The following IGHMBP2 variants were observed in gnomAD, a reference collection of about 807,000 sequenced individuals.
IGHMBP2 encodes the protein immunoglobulin mu DNA binding protein 2.
A neutral mutation model predicts 96.0 loss-of-function variants in IGHMBP2; 81 were observed. The observed-to-expected ratio is 0.84, with a 90% CI of 0.71 to 1.01. The LOEUF is 1.01. Among genes scored for constraint, IGHMBP2 ranks in the 50% least tolerant of loss-of-function variants. IGHMBP2 has a pLI of 0.00. For synonymous variants in IGHMBP2, 557 were observed against 548.9 expected (o/e 1.01, Z -0.21); for missense variants, 1,227 against 1,306.3 (o/e 0.94, Z 0.94).
At chr11:68,914,093 G>A (rs1202966497) in intron 5 of IGHMBP2, among the ~76,000 whole-genome samples, 1 of 152,184 alleles carries the variant, frequency 6.6e-6, no homozygotes, top group African/African-American at 2.4e-5. Flanking sequence ...GTGGTCTGGT[G>A]ATTTTCAGAT....
At chr11:68,905,059 G>A (rs1480368190) in intron 1 of IGHMBP2, among the ~76,000 whole-genome samples, 1 of 152,194 alleles carries the variant, frequency 6.6e-6, no homozygotes, top group African/African-American at 2.4e-5. Context: ...GCCTCCCAAA[G>A]TGTTGGGATT....
At position 68,903,974 on chromosome 11, in the gene IGHMBP2, A is replaced by C. The variant is rs1220579518; in HGVS notation, c.22A>C (p.Ser8Arg). 2.6e-6 allele frequency: 4 copies of C among 1,556,420 alleles called. 1 individual carries two copies. In the Admixed American group the frequency reaches 7.8e-5, roughly 30 times the overall value. MASAAVESFVTKQLDLLE... is the reference protein window; with the variant it reads MASAAVERFVTKQLDLLE... ...GGCGATGGCCTCGGCAGCTGTGGAGAGCTTCGTGACCAAGCAACTGGACCT... is the reference window on the plus strand; with the variant it reads ...GGCGATGGCCTCGGCAGCTGTGGAGCGCTTCGTGACCAAGCAACTGGACCT... The change falls in exon 1 of 15, where the codon AGC becomes CGC. Residue 8 changes from serine (S) to arginine (R), a missense_variant. Ser to Arg is a moderately radical substitution (Grantham distance 110). This residue lies in a region of IGHMBP2 where 507 missense variants were observed against 496.9 expected (regional missense o/e 1.02). Transcript: ENST00000255078.
rs909093295 is a variant in IGHMBP2, at chr11:68,936,787, C to T, written c.2307C>T (p.His769=). The T allele has an allele frequency of 1.4e-5, 22 of 1,613,908 alleles. No individual in the cohort carries two copies. In the East Asian group the frequency reaches 3.3e-4, roughly 25 times the overall value. The change falls in exon 13 of 15, where the codon CAC becomes CAT. Residue 769 remains histidine (H), a synonymous_variant. Coordinates refer to ENST00000255078, the MANE Select transcript of IGHMBP2 (RefSeq NM_002180.3). ...TAGCCGAGGAGCACGGGCTGAGGCA[C>T]GACAGTTCCGGGGAAGGGAAGAGGA... is the stretch of plus-strand genomic sequence containing the variant. The part of the protein sequence containing the change: ...HQIAEEHGLR[H]DSSGEGKRRF...
intron 6 of IGHMBP2, among the ~76,000 whole-genome samples, chr11:68,917,510 G>T (rs1365389287): frequency 6.6e-6 from 1 of 152,152 alleles, no homozygotes; most frequent in Non-Finnish European, 1.5e-5. Context: ...TAAAAACGTG[G>T]TCTCTTTCCA....
chr11:68,906,053 A>G lies in IGHMBP2; in HGVS notation c.87-16A>G, dbSNP rs1032941736. The G allele has an allele frequency of 6.2e-7, 1 of 1,613,424 alleles. No individual in the cohort carries two copies. The highest frequency in any genetic ancestry group is 1.1e-5 in the South Asian group (1 of 91,048). The stretch of plus-strand genomic sequence containing the variant: ...CTAGTAAAAATCCTGAAGCATCAAT[A>G]CCGGGTGTCTTCCAGGTCCTGGCAG... On this transcript the variant is annotated splice_polypyrimidine_tract_variant and intron_variant, in intron 1 of 14. Coordinates refer to ENST00000255078, the MANE Select transcript of IGHMBP2 (RefSeq NM_002180.3).
chr11:68,909,188 AG>A (rs1275576684), intron 4 of IGHMBP2, among the ~76,000 whole-genome samples: 54 of 53,500 alleles, frequency 1.0e-3, no homozygotes, highest in Middle Eastern at 0.02. Context: ...GGGGGGGTGG[AG>A]GGGGGGGGCG....
chr11:68,934,207 C>G lies in IGHMBP2; in HGVS notation c.1538-257C>G, dbSNP rs630866. On this transcript the variant is annotated intron_variant, in intron 10 of 14. Coordinates refer to ENST00000255078, the MANE Select transcript of IGHMBP2 (RefSeq NM_002180.3). ...AACTGTCATTGCTCAGCTGACACCA[C>G]CATCTCCCCAGTTCCACGTTGAACA... is the stretch of plus-strand genomic sequence containing the variant. 5.0e-3 allele frequency: 3,105 copies of G among 617,082 alleles called. 75 individuals are homozygous for G. The African/African-American group carries it at 0.051, about 10-fold the overall frequency. 38.2% of individuals were successfully genotyped at this position (617,082 alleles called of 1,614,324 possible). A position where few individuals can be genotyped will look rare whatever the true frequency, so the allele number is the denominator to read the frequency against.
intron 13 of IGHMBP2, 65 bp from the exon 14 acceptor site, chr11:68,938,117 A>C: frequency 6.4e-7 from 1 of 1,574,688 alleles, no homozygotes; most frequent in Non-Finnish European, 8.7e-7. Flanking sequence ...AATTGATTTT[A>C]AAACCTTAAA....
intron 7 of IGHMBP2, among the ~76,000 whole-genome samples, chr11:68,919,440 T>G (rs1313210122): frequency 6.6e-6 from 1 of 152,208 alleles, no homozygotes; most frequent in Non-Finnish European, 1.5e-5. Context: ...TGGCTTACTT[T>G]CTGTTATTGG....
In IGHMBP2 at chr11:68,906,312, C is replaced by T. The variant is rs141376088; in HGVS notation, c.256+74C>T. On this transcript the variant is annotated intron_variant, in intron 2 of 14. Transcript: ENST00000255078. ...ACCGTGACTTGTACCCTCGTAAAGA[C>T]TGGATTAAAATGACCAGTTGGAGAA... 1,284 of 1,497,116 alleles carry T rather than the reference C, an allele frequency of 8.6e-4. 2 individuals are homozygous for T. Among genetic ancestry groups the T allele is most frequent in the Non-Finnish European group, 1.1e-3 (1,133 of 1,074,974 alleles). The allele number at this position is 1,497,116 out of a possible 1,614,324, so 92.7% of individuals were successfully genotyped here.
intron 8 of IGHMBP2, chr11:68,933,065 T>C (rs1180496562): frequency 1.7e-5 from 10 of 582,054 alleles, no homozygotes; most frequent in Non-Finnish European, 3.1e-5. Context: ...TAACTTCATC[T>C]CAGCTGCAGC....
At chr11:68,922,175 G>A (rs1262639825) in intron 7 of IGHMBP2, among the ~76,000 whole-genome samples, 2 of 151,928 alleles carry the variant, frequency 1.3e-5, no homozygotes, top group African/African-American at 2.4e-5. Context: ...AAAATTAGCA[G>A]GGTGTGGTGG....
At chr11:68,907,019 G>A (rs1858229283) in intron 2 of IGHMBP2, among the ~76,000 whole-genome samples, 1 of 151,978 alleles carries the variant, frequency 6.6e-6, no homozygotes, top group African/African-American at 2.4e-5. Context: ...TAGCACTTTG[G>A]GAGGCCGAGG....
chr11:68,935,983 C>T (rs967512966), intron 12 of IGHMBP2, among the ~76,000 whole-genome samples: 9 of 152,220 alleles, frequency 5.9e-5, no homozygotes, highest in Admixed American at 5.2e-4. Flanking sequence ...CAGGCGGCCC[C>T]TGAGGCTGGG....
intron 7 of IGHMBP2, among the ~76,000 whole-genome samples, chr11:68,926,910 C>T (rs745392189): frequency 2.0e-4 from 31 of 152,120 alleles, no homozygotes; most frequent in Non-Finnish European, 4.0e-4. Context: ...GGATTACAGG[C>T]GTCCACCACC....
intron 1 of IGHMBP2, among the ~76,000 whole-genome samples, 189 bp from the exon 2 acceptor site, chr11:68,905,880 G>C (rs939362348): frequency 3.3e-5 from 5 of 152,202 alleles, no homozygotes; most frequent in African/African-American, 1.2e-4. Flanking sequence ...AAGGGTTGTG[G>C]CATTAACTGC....
Position 68,908,609 on chromosome 11 carries a change from T to C in IGHMBP2, c.525T>C (p.Ala175=). The C allele has an allele frequency of 6.2e-7, 1 of 1,612,414 alleles. No individual in the cohort carries two copies. Among genetic ancestry groups the C allele is most frequent in the Non-Finnish European group, 8.5e-7 (1 of 1,178,432 alleles). Residue 175 remains alanine, a synonymous_variant, in exon 4 of 15, where the codon GCT becomes GCC. Transcript: ENST00000255078. ...TAGAAGTGCTCTTTGGCAGATCTGC[T>C]CCCAGTCCTGCCAGTGAAATACGTA... ...SLIEVLFGRS[A]PSPASEIHPL...
At chr11:68,920,773 T>G (rs1033718323) in intron 7 of IGHMBP2, among the ~76,000 whole-genome samples, 1 of 152,116 alleles carries the variant, frequency 6.6e-6, no homozygotes, top group Non-Finnish European at 1.5e-5. Context: ...TGTAAGCCAC[T>G]GTGCCTGGCC....
At chr11:68,914,167 T>G (rs566932155) in intron 5 of IGHMBP2, among the ~76,000 whole-genome samples, 1 of 152,228 alleles carries the variant, frequency 6.6e-6, no homozygotes, top group South Asian at 2.1e-4. Flanking sequence ...ATAAATAAGT[T>G]TGAAGCTTTA....
Sources: gnomAD v4.1 joint callset for allele counts (sites outside exome capture counted in the v4.1 genomes callset) on GRCh38, gnomAD v4.1.1 for gene constraint, gnomAD v4.1.1 regional missense constraint, MANE v1.5 for transcripts, NCBI Gene and HGNC (gene_info 2026-07-23, HGNC 2026-07-21) for gene names.